TRMT11: variants seen among roughly 807,000 people sequenced by gnomAD.
TRMT11 encodes the protein tRNA (guanine(10)-N(2))-methyltransferase TRMT11.
In TRMT11, 53 loss-of-function variants were observed where a neutral mutation model predicts 62.8. That is an observed-to-expected ratio of 0.84 (90% CI 0.68 to 1.06). TRMT11 has a LOEUF of 1.06. TRMT11 is among the 50% of genes least tolerant of loss of function. The pLI, the probability that TRMT11 is intolerant of heterozygous loss-of-function variation, is 0.00. For missense variants in TRMT11, 556 were observed against 553.4 expected, an observed-to-expected ratio of 1.00 and a Z score of -0.05; for synonymous variants, 188 against 190.3, an observed-to-expected ratio of 0.99 and a Z score of 0.10.
At position 126,011,375 on chromosome 6, in the gene TRMT11, T is replaced by G; in HGVS notation, c.883T>G (p.Ser295Ala). Reference sequence around the variant, plus strand: ...CCTGGTTTCAGATGCATCTAAACCTTCCTGGAGGAAGGGCACATATTTTGA... The same window carrying G: ...CCTGGTTTCAGATGCATCTAAACCTGCCTGGAGGAAGGGCACATATTTTGA... ...DVLVSDASKP[S>A]WRKGTYFDAI... Residue 295 changes from serine (S) to alanine (A), a missense_variant, in exon 9 of 13, where the codon TCC (serine) becomes GCC (alanine). By Grantham distance (99) the Ser-to-Ala change is moderately conservative (BLOSUM62 1). Transcript: ENST00000334379. 6.2e-7 allele frequency: 1 copy of G among 1,613,168 alleles called. No homozygotes were observed. The highest frequency in any genetic ancestry group is 8.5e-7 in the Non-Finnish European group (1 of 1,179,402).
chr6:126,184,965 A>G (rs986358327), intron 1 of TRMT11, among the ~76,000 whole-genome samples: 1 of 152,214 alleles, frequency 6.6e-6, no homozygotes, highest in African/African-American at 2.4e-5. Context: ...GTGTTTGCAC[A>G]TTATTAAACA....
At chr6:126,117,420 G>C (rs1170238736) in intron 21 of TRMT11, among the ~76,000 whole-genome samples, 2 of 151,918 alleles carry the variant, frequency 1.3e-5, no homozygotes, top group East Asian at 3.9e-4. Flanking sequence ...TTTTCTCTCT[G>C]TGTGTCAGAA....
downstream of TRMT11, among the ~76,000 whole-genome samples, chr6:126,203,241 A>G (rs1778756723): frequency 6.6e-6 from 1 of 152,174 alleles, no homozygotes; most frequent in Non-Finnish European, 1.5e-5. Context: ...GAACAATTTA[A>G]TCTTTTCACA....
chr6:126,169,993 A>G (rs1480617731), intron 21 of TRMT11, among the ~76,000 whole-genome samples: 2 of 151,968 alleles, frequency 1.3e-5, no homozygotes, highest in Non-Finnish European at 2.9e-5. Context: ...TATTTTATAT[A>G]GTCTTTTTCC....
intron 11 of TRMT11, among the ~76,000 whole-genome samples, chr6:126,015,589 G>A (rs1421500577): frequency 6.6e-6 from 1 of 152,082 alleles, no homozygotes; most frequent in Non-Finnish European, 1.5e-5. Flanking sequence ...ATATGTCATT[G>A]TATTTTTCAG....
chr6:126,270,792 T>C, the TRMT11 span, among the ~76,000 whole-genome samples: 1 of 152,218 alleles, frequency 6.6e-6, no homozygotes, highest in Non-Finnish European at 1.5e-5. Flanking sequence ...TTCTGAATTG[T>C]TCCTTGTTAC....
chr6:126,128,459 TTAG>T (rs1777743126), intron 21 of TRMT11, among the ~76,000 whole-genome samples: 1 of 152,116 alleles, frequency 6.6e-6, no homozygotes, highest in African/African-American at 2.4e-5. Context: ...TTCACTTTTA[TTAG>T]TATTTCTCCC....
rs376197648 is a variant in TRMT11 at position 126,092,618 on chromosome 6, T to C, written c.*1438-20248T>C. 1.7e-3 allele frequency among the ~76,000 whole-genome samples: 252 copies of C among 152,176 alleles called. 3 individuals are homozygous for C. The highest frequency in any genetic ancestry group is 5.6e-3 in the African/African-American group (231 of 41,554). On this transcript the variant is annotated intron_variant and NMD_transcript_variant, in intron 17 of 22. Coordinates refer to the TRMT11 transcript ENST00000648977. ...CATCTGGTTTTCTAACTTTGTTAGA[T>C]AGACGAACTAGAGAACACAATGAAT... is the stretch of plus-strand genomic sequence containing the variant.
At chr6:126,194,521 T>C (rs1254272530) in intron 1 of TRMT11, among the ~76,000 whole-genome samples, 2 of 152,162 alleles carry the variant, frequency 1.3e-5, no homozygotes, top group Non-Finnish European at 2.9e-5. Flanking sequence ...ACAATCTTAT[T>C]GTAATGGTTT....
intron 21 of TRMT11, among the ~76,000 whole-genome samples, chr6:126,132,801 T>A (rs183039090): frequency 1.1e-3 from 174 of 152,140 alleles, no homozygotes; most frequent in African/African-American, 4.1e-3. Context: ...AATCCATATG[T>A]TTTAGAGTTG....
chr6:126,141,776 T>G (rs1416986315), intron 21 of TRMT11, among the ~76,000 whole-genome samples: 1 of 152,126 alleles, frequency 6.6e-6, no homozygotes, highest in Non-Finnish European at 1.5e-5. Flanking sequence ...AAGATATTAA[T>G]AAATGCTTTT....
intron 7 of TRMT11, chr6:126,006,696 G>T (rs988979605): frequency 6.6e-6 from 1 of 150,810 alleles, no homozygotes; most frequent in African/African-American, 2.4e-5. Context: ...TTAATCAAAA[G>T]AACAACTAGA....
intron 7 of TRMT11, among the ~76,000 whole-genome samples, chr6:126,001,947 T>C (rs1224530299): frequency 6.6e-6 from 1 of 152,162 alleles, no homozygotes; most frequent in Admixed American, 6.6e-5. Flanking sequence ...TTATATTTCT[T>C]AATTTTCTTA....
chr6:126,069,459 TTTTTTCTTTC>T (rs1757968801), intron 17 of TRMT11, among the ~76,000 whole-genome samples: 1 of 152,248 alleles, frequency 6.6e-6, no homozygotes, highest in South Asian at 2.1e-4. Flanking sequence ...TTCTTTTCTT[TTTTTTCTTTC>T]TTTTTCTTTA....
At chr6:126,127,534 A>C (rs1264923896) in intron 21 of TRMT11, among the ~76,000 whole-genome samples, 2 of 151,756 alleles carry the variant, frequency 1.3e-5, no homozygotes, top group Non-Finnish European at 2.9e-5. Context: ...TTTAAGTTTT[A>C]GGGTACATGT....
intron 21 of TRMT11, among the ~76,000 whole-genome samples, chr6:126,140,856 C>A (rs1161299994): frequency 1.3e-5 from 2 of 151,996 alleles, no homozygotes; most frequent in East Asian, 1.9e-4. Context: ...TTAAAAAAAT[C>A]AAGTGACAAT....
intron 12 of TRMT11, among the ~76,000 whole-genome samples, chr6:126,033,481 A>G (rs1427050002): frequency 1.3e-5 from 2 of 152,184 alleles, no homozygotes; most frequent in African/African-American, 4.8e-5. Context: ...GGTCACGTTT[A>G]TATACCTTTC....
At chr6:126,126,205 C>T (rs1378819774) in intron 21 of TRMT11, among the ~76,000 whole-genome samples, 2 of 152,136 alleles carry the variant, frequency 1.3e-5, no homozygotes, top group East Asian at 3.9e-4. Context: ...GAATACTAAT[C>T]TGTTAACCTG....
chr6:126,104,052 G>A (rs753626516), intron 17 of TRMT11, among the ~76,000 whole-genome samples: 5 of 152,280 alleles, frequency 3.3e-5, no homozygotes, highest in African/African-American at 9.6e-5. Flanking sequence ...ATTAAAAATA[G>A]CACTTACAAA....
Sources: gnomAD v4.1 joint callset for allele counts (sites outside exome capture counted in the v4.1 genomes callset) on GRCh38, gnomAD v4.1.1 for gene constraint, MANE v1.5 for transcripts, NCBI Gene and HGNC (gene_info 2026-07-23, HGNC 2026-07-21) for gene names.